Variants in RIGI observed in about 807,000 individuals in gnomAD.
RIGI encodes RNA sensor RIG-I.
At chr9:32,524,156 A>G in the RIGI span, among the ~76,000 whole-genome samples, 6 of 152,184 alleles carry the variant, frequency 3.9e-5, no homozygotes, top group Admixed American at 3.3e-4. Context: ...CTATTTTGTT[A>G]CCTGCATTCA....
the RIGI span, among the ~76,000 whole-genome samples, chr9:32,481,998 C>T: frequency 6.6e-6 from 1 of 152,162 alleles, no homozygotes; most frequent in African/African-American, 2.4e-5. Context: ...AAGCAGGGTA[C>T]CTGAGGTGGG....
At chr9:32,523,849 C>A in the RIGI span, among the ~76,000 whole-genome samples, 2 of 151,702 alleles carry the variant, frequency 1.3e-5, no homozygotes, top group Non-Finnish European at 2.9e-5. Context: ...CTGTTCATAT[C>A]CCACTTCTGC....
the RIGI span, chr9:32,492,315 C>T: frequency 6.5e-7 from 1 of 1,540,558 alleles, no homozygotes; most frequent in South Asian, 1.2e-5. Context: ...GGGAAAAACG[C>T]CTCTGATGGG....
chr9:32,489,441 A>T, the RIGI span: 1 of 1,611,482 alleles, frequency 6.2e-7, no homozygotes, highest in Non-Finnish European at 8.5e-7. Context: ...ACAAGTTTGT[A>T]TCAGACACTT....
chr9:32,516,310 T>C, the RIGI span, among the ~76,000 whole-genome samples: 1 of 152,216 alleles, frequency 6.6e-6, no homozygotes, highest in Non-Finnish European at 1.5e-5. Flanking sequence ...TCTTCTTGGC[T>C]ACAGCTCCCA....
the RIGI span, among the ~76,000 whole-genome samples, chr9:32,484,185 G>C: frequency 1.3e-5 from 2 of 152,138 alleles, no homozygotes; most frequent in African/African-American, 4.8e-5. Flanking sequence ...TTATCCTGTA[G>C]GCAAAGGGTT....
the RIGI span, chr9:32,481,465 C>T: frequency 6.3e-7 from 1 of 1,577,054 alleles, no homozygotes; most frequent in South Asian, 1.2e-5. Flanking sequence ...TTCTGTGTTC[C>T]AAATTCCCTA....
At chr9:32,480,462 T>G in the RIGI span, 2 of 1,104,596 alleles carry the variant, frequency 1.8e-6, no homozygotes, top group Admixed American at 6.1e-5. Flanking sequence ...AACTTTTCTT[T>G]TCAAATCTAT....
chr9:32,505,760 G>A, the RIGI span, among the ~76,000 whole-genome samples: 397 of 152,256 alleles, frequency 2.6e-3, 3 homozygotes, highest in African/African-American at 9.3e-3. Context: ...TTTAGTGGCT[G>A]CATAGTTTTA....
the RIGI span, among the ~76,000 whole-genome samples, chr9:32,486,814 G>A: frequency 6.6e-6 from 1 of 152,048 alleles, no homozygotes; most frequent in African/African-American, 2.4e-5. Flanking sequence ...GAAAAGTTGG[G>A]ATCAGGTACA....
chr9:32,491,155 T>A, the RIGI span: 2 of 824,036 alleles, frequency 2.4e-6, no homozygotes, highest in African/African-American at 3.5e-5. Context: ...AGAAAAAGTA[T>A]CTATTGTAAC....
chr9:32,467,859 G>A, the RIGI span: 7 of 1,613,664 alleles, frequency 4.3e-6, no homozygotes, highest in Non-Finnish European at 5.1e-6. Flanking sequence ...CAACTGAGGT[G>A]GCAATCAGAA....
chr9:32,521,139 C>CAAAAAAAAAAAAAAAAAAAAAAAA, the RIGI span, among the ~76,000 whole-genome samples: 11 of 32,778 alleles, frequency 3.4e-4, 1 homozygote, highest in Non-Finnish European at 5.6e-4. Context: ...GACACCATCT[C>CAAAAAAAAAAAAAAAAAAAAAAAA]AAAAAAAAAA....
At chr9:32,510,439 T>C in the RIGI span, among the ~76,000 whole-genome samples, 1 of 152,202 alleles carries the variant, frequency 6.6e-6, no homozygotes. Flanking sequence ...ATATTCAACA[T>C]TCTTAAAGAC....
At chr9:32,522,617 A>G in the RIGI span, among the ~76,000 whole-genome samples, 1 of 152,134 alleles carries the variant, frequency 6.6e-6, no homozygotes, top group African/African-American at 2.4e-5. Context: ...TCCAGCTGTG[A>G]TATGTCTTTG....
At chr9:32,479,851 A>G in the RIGI span, among the ~76,000 whole-genome samples, 2 of 151,180 alleles carry the variant, frequency 1.3e-5, no homozygotes, top group Admixed American at 6.6e-5. Context: ...AAAAAAAAAA[A>G]GTATACATAA....
the RIGI span, among the ~76,000 whole-genome samples, chr9:32,504,068 C>CACACACACACACACA: frequency 3.0e-4 from 46 of 151,302 alleles, no homozygotes; most frequent in South Asian, 8.4e-4. Flanking sequence ...CACACACACA[C>CACACACACACACACA]CCAGGTCTGC....
chr9:32,478,616 G>A, the RIGI span, among the ~76,000 whole-genome samples: 653 of 152,302 alleles, frequency 4.3e-3, 6 homozygotes, highest in African/African-American at 0.015. Flanking sequence ...CTGGGGTCCA[G>A]TGGTGCAATC....
At chr9:32,457,561 A>G in the RIGI span, 565 of 670,226 alleles carry the variant, frequency 8.4e-4, no homozygotes, top group East Asian at 1.1e-3. Context: ...AATTGGAGGA[A>G]AAAAAAAAAT....
Sources: gnomAD v4.1 joint callset for allele counts (sites outside exome capture counted in the v4.1 genomes callset) on GRCh38, gnomAD v4.1.1 for gene constraint, MANE v1.5 for transcripts, NCBI Gene and HGNC (gene_info 2026-07-23, HGNC 2026-07-21) for gene names.